Variants in CYTIP observed in about 807,000 individuals in gnomAD.
CYTIP encodes the protein cytohesin 1 interacting protein, also known as cytohesin-interacting protein.
CYTIP carries 26 observed loss-of-function variants against 43.8 expected under a neutral mutation model. The observed-to-expected ratio is 0.59, with a 90% CI of 0.44 to 0.82. CYTIP has a LOEUF of 0.82. Ranked by LOEUF, CYTIP falls within the 40% of genes least tolerant of loss-of-function variation. The pLI is 0.00. For missense variants in CYTIP, 426 were observed against 443.1 expected (o/e 0.96, Z 0.35); for synonymous variants, 162 against 162.9 (o/e 0.99, Z 0.04).
rs146205019 is a variant in CYTIP at position 157,420,117 on chromosome 2, C to A, written c.547-1528G>T. On this transcript the variant is annotated intron_variant, in intron 6 of 7. Coordinates refer to ENST00000264192, the MANE Select transcript of CYTIP (RefSeq NM_004288.5). ...TTAGGAGGTTGAAGTGGGAGGATTG[C>A]TTGAGACCAGGAGTTTGAAACAAGC... Among the ~76,000 whole-genome samples, 1,003 of 152,302 alleles carry A rather than the reference C, an allele frequency of 6.6e-3. 11 individuals are homozygous for A. The highest frequency in any genetic ancestry group is 0.023 in the African/African-American group (953 of 41,580).
chr2:157,421,390 A>G (rs1685520231), intron 6 of CYTIP, among the ~76,000 whole-genome samples: 1 of 152,242 alleles, frequency 6.6e-6, no homozygotes, highest in Admixed American at 6.5e-5. Flanking sequence ...TTCAATCTAC[A>G]GGAGACATAC....
chr2:157,417,706 A>AAC (rs1448646564), intron 7 of CYTIP, among the ~76,000 whole-genome samples: 2 of 152,194 alleles, frequency 1.3e-5, no homozygotes, highest in African/African-American at 4.8e-5. Flanking sequence ...TAAAAAAAAA[A>AAC]AAACAGAAGT....
chr2:157,426,254 C>A (rs1685605898), intron 6 of CYTIP, among the ~76,000 whole-genome samples: 1 of 151,972 alleles, frequency 6.6e-6, no homozygotes, highest in African/African-American at 2.4e-5. Context: ...AGATTGAGAT[C>A]CTGAATTCAA....
intron 3 of CYTIP, among the ~76,000 whole-genome samples, chr2:157,431,959 T>C (rs143683916): frequency 6.6e-6 from 1 of 152,318 alleles, no homozygotes; most frequent in African/African-American, 2.4e-5. Flanking sequence ...TATAAGGCAC[T>C]TAGAATCCCC....
At chr2:157,419,926 A>G (rs1275085442) in intron 6 of CYTIP, among the ~76,000 whole-genome samples, 1 of 152,248 alleles carries the variant, frequency 6.6e-6, no homozygotes, top group Non-Finnish European at 1.5e-5. Flanking sequence ...ACTAGTAACA[A>G]TTAACAGCAA....
chr2:157,441,107 C>G (rs1254328477), intron 1 of CYTIP, among the ~76,000 whole-genome samples: 1 of 152,106 alleles, frequency 6.6e-6, no homozygotes, highest in Non-Finnish European at 1.5e-5. Context: ...TTTGAAACTA[C>G]AAGCTAACCA....
At position 157,415,670 on chromosome 2, in the gene CYTIP, C is replaced by T; in HGVS notation, c.*7G>A. The T allele has an allele frequency of 3.8e-6, 6 of 1,580,824 alleles. No individual in the cohort carries two copies. Among genetic ancestry groups the T allele is most frequent in the South Asian group, 1.1e-5 (1 of 87,624 alleles). On this transcript the variant is annotated 3_prime_UTR_variant, in exon 8 of 8. Coordinates refer to ENST00000264192, the MANE Select transcript of CYTIP (RefSeq NM_004288.5). ...AATAAGCTAATTTGAAAGGACACCACAATCCGTCAAAAGCGACTTTCTTCC... is the reference window on the plus strand; with the variant it reads ...AATAAGCTAATTTGAAAGGACACCATAATCCGTCAAAAGCGACTTTCTTCC...
intron 1 of CYTIP, among the ~76,000 whole-genome samples, chr2:157,443,163 G>A (rs1182059574): frequency 2.0e-5 from 3 of 152,284 alleles, no homozygotes; most frequent in African/African-American, 4.8e-5. Context: ...GCCAGTCACT[G>A]TGTTAGGCAC....
At chr2:157,418,327 T>C (rs1317871423) in intron 7 of CYTIP, among the ~76,000 whole-genome samples, 196 bp downstream of exon 7, 1 of 152,192 alleles carries the variant, frequency 6.6e-6, no homozygotes, top group Non-Finnish European at 1.5e-5. Flanking sequence ...TGATACGCAG[T>C]AGTGGATCTG....
chr2:157,429,947 T>C (rs1685682822), intron 5 of CYTIP, among the ~76,000 whole-genome samples: 1 of 143,910 alleles, frequency 6.9e-6, no homozygotes, highest in Non-Finnish European at 1.5e-5. Flanking sequence ...GGCGTGAACC[T>C]GGGAGGCAGA....
intron 5 of CYTIP, 74 bp downstream of exon 5, chr2:157,430,485 T>C (rs1685694666): frequency 1.8e-5 from 24 of 1,305,458 alleles, no homozygotes; most frequent in Non-Finnish European, 2.6e-5. Flanking sequence ...ACAAAAGGCC[T>C]ATTTATTCAC....
intron 6 of CYTIP, among the ~76,000 whole-genome samples, chr2:157,420,492 G>A (rs1344335214): frequency 6.6e-6 from 1 of 151,896 alleles, no homozygotes; most frequent in Non-Finnish European, 1.5e-5. Flanking sequence ...CTCCACCCCA[G>A]GCAACAAGAG....
At chr2:157,443,049 G>A (rs1685942271) in intron 1 of CYTIP, among the ~76,000 whole-genome samples, 1 of 152,122 alleles carries the variant, frequency 6.6e-6, no homozygotes, top group Admixed American at 6.6e-5. Flanking sequence ...AATAAATTCA[G>A]TTAGACATAG....
chr2:157,430,420 T>C, intron 5 of CYTIP, 139 bp downstream of exon 5: 1 of 683,724 alleles, frequency 1.5e-6, no homozygotes, highest in Admixed American at 2.5e-5. Context: ...CTGATAATGT[T>C]TGTACCCCAC....
At chr2:157,440,570 C>A (rs1429725934) in intron 1 of CYTIP, among the ~76,000 whole-genome samples, 2 of 152,174 alleles carry the variant, frequency 1.3e-5, no homozygotes, top group Non-Finnish European at 2.9e-5. Context: ...TGCTGCCGGA[C>A]ACACCGTGAA....
At chr2:157,417,537 G>C (rs190540284) in intron 7 of CYTIP, among the ~76,000 whole-genome samples, 1 of 152,218 alleles carries the variant, frequency 6.6e-6, no homozygotes, top group East Asian at 1.9e-4. Context: ...CAAGGAGGTG[G>C]CTGAATTTAC....
intron 1 of CYTIP, among the ~76,000 whole-genome samples, chr2:157,437,253 C>A (rs1156369970): frequency 6.6e-6 from 1 of 151,496 alleles, no homozygotes; most frequent in Non-Finnish European, 1.5e-5. Flanking sequence ...GCACAGCAAA[C>A]AATTAACAGA....
At chr2:157,436,295 C>T (rs1374326154) in intron 1 of CYTIP, among the ~76,000 whole-genome samples, 1 of 152,116 alleles carries the variant, frequency 6.6e-6, no homozygotes, top group Admixed American at 6.5e-5. Context: ...AGGATAGGGA[C>T]TATTCATCTA....
chr2:157,427,372 T>C lies in CYTIP; in HGVS notation c.525A>G (p.Glu175=), dbSNP rs1395368360. 5 of 1,610,382 alleles carry C rather than the reference T, an allele frequency of 3.1e-6. No homozygotes were observed. The Admixed American group carries it at 6.7e-5, about 22-fold the overall frequency. ...GTMILKRTEL[E]AKLQVLKQTL... ...TTACCTTTAAAACCTGCAGCTTTGC[T>C]TCAAGCTCCGTTCTTTTCAGAATCA... is the stretch of plus-strand genomic sequence containing the variant. Residue 175 remains glutamate (E), a synonymous_variant, in exon 6 of 8, where the codon GAA becomes GAG. Coordinates refer to ENST00000264192, the MANE Select transcript of CYTIP (RefSeq NM_004288.5).
Sources: allele counts gnomAD v4.1 joint callset (sites outside exome capture counted in the v4.1 genomes callset), GRCh38; gene constraint gnomAD v4.1.1; transcripts MANE v1.5; gene names NCBI Gene and HGNC (gene_info 2026-07-23, HGNC 2026-07-21).